Variants in RAB27B observed in about 807,000 individuals in gnomAD.
RAB27B encodes RAB27B, member RAS oncogene family, also known as ras-related protein Rab-27B.
A neutral mutation model predicts 24.6 loss-of-function variants in RAB27B; 15 were observed. The ratio of observed to expected loss-of-function variants is 0.61; its 90% CI spans 0.41 to 0.94. The LOEUF is 0.94. Among genes scored for constraint, RAB27B ranks in the 40% least tolerant of loss-of-function variants. The pLI is 0.00. For synonymous variants in RAB27B, 105 were observed against 92.5 expected, an observed-to-expected ratio of 1.14 and a Z score of -0.78; for missense variants, 261 against 266.8, an observed-to-expected ratio of 0.98 and a Z score of 0.15.
At position 54,888,064 on chromosome 18, in the gene RAB27B, C is replaced by T. The variant is rs77350395; in HGVS notation, c.413C>T (p.Pro138Leu). 339 of 1,613,104 alleles carry T rather than the reference C, an allele frequency of 2.1e-4. 3 individuals are homozygous for T. The African/African-American group carries it at 4.0e-3, about 19-fold the overall frequency. ...TTAATTGGCAACAAGGCAGACCTAC[C>T]AGATCAGAGGGAAGTCAATGAACGG... ...IVLIGNKADL[P>L]DQREVNERQA... Residue 138 changes from proline to leucine, a missense_variant, in exon 5 of 6, where the codon CCA becomes CTA. Coordinates refer to ENST00000262094, the MANE Select transcript of RAB27B (RefSeq NM_004163.4).
intron 3 of RAB27B, among the ~76,000 whole-genome samples, chr18:54,882,473 A>G (rs1011471857): frequency 1.3e-5 from 2 of 152,198 alleles, no homozygotes; most frequent in Admixed American, 1.3e-4. Context: ...CTAACAGGAA[A>G]ACAAAGACAT....
At chr18:54,737,960 G>T (rs548085251) in intron 2 of RAB27B, among the ~76,000 whole-genome samples, 119 of 152,206 alleles carry the variant, frequency 7.8e-4, no homozygotes, top group South Asian at 5.8e-3. Context: ...AGTTGAACAA[G>T]AAAAATGTGT....
chr18:54,867,453 T>C (rs1007203829), intron 1 of RAB27B, among the ~76,000 whole-genome samples: 2 of 146,898 alleles, frequency 1.4e-5, no homozygotes, highest in African/African-American at 5.0e-5. Flanking sequence ...TTTTTTTTTT[T>C]TTTTTTTTTC....
chr18:54,783,481 T>TGTGTGTGTGTGTGTGTGTG (rs1908980504), intron 2 of RAB27B, among the ~76,000 whole-genome samples: 4 of 149,672 alleles, frequency 2.7e-5, no homozygotes, highest in African/African-American at 9.8e-5. Context: ...GCCTATGGCT[T>TGTGTGTGTGTGTGTGTGTG]TGTGTGTGTG....
chr18:54,797,691 G>A (rs1333333943), intron 2 of RAB27B, among the ~76,000 whole-genome samples: 1 of 152,134 alleles, frequency 6.6e-6, no homozygotes, highest in East Asian at 1.9e-4. Flanking sequence ...AAGGATTGCA[G>A]AGTGACTTAT....
chr18:54,755,174 G>A (rs1281829273), intron 2 of RAB27B, among the ~76,000 whole-genome samples: 1 of 152,126 alleles, frequency 6.6e-6, no homozygotes, highest in Non-Finnish European at 1.5e-5. Context: ...CGGATCACCC[G>A]AGGTCAGGAG....
chr18:54,874,812 A>C (rs569906574), intron 1 of RAB27B, among the ~76,000 whole-genome samples: 1 of 152,308 alleles, frequency 6.6e-6, no homozygotes, highest in Admixed American at 6.5e-5. Context: ...ATCCAATTCT[A>C]CTAGTGAAAT....
chr18:54,848,362 T>G (rs1458388399), intron 1 of RAB27B, among the ~76,000 whole-genome samples: 1 of 152,210 alleles, frequency 6.6e-6, no homozygotes, highest in Non-Finnish European at 1.5e-5. Context: ...ATGTTAGGTC[T>G]TGGTCCTTTA....
rs1912832666 is a variant in RAB27B, at chr18:54,879,408, G to A, written c.193G>A (p.Ala65Thr). Residue 65 changes from alanine to threonine, a missense_variant, in exon 3 of 6, where the codon GCA becomes ACA. Coordinates refer to ENST00000262094, the MANE Select transcript of RAB27B (RefSeq NM_004163.4). ...AQGPNGSSGKAFKVHLQLWDT... is the reference protein window; with the variant it reads ...AQGPNGSSGKTFKVHLQLWDT... Reference sequence around the variant, plus strand: ...AGGACCGAATGGATCTTCAGGGAAAGCATTTAAAGTGCATCTTCAGCTTTG... The same window carrying A: ...AGGACCGAATGGATCTTCAGGGAAAACATTTAAAGTGCATCTTCAGCTTTG... 3 of 1,613,112 alleles carry A rather than the reference G, an allele frequency of 1.9e-6. No homozygotes were observed. The highest frequency in any genetic ancestry group is 2.5e-6 in the Non-Finnish European group (3 of 1,179,174).
At chr18:54,796,572 C>G (rs1311712513) in intron 2 of RAB27B, among the ~76,000 whole-genome samples, 3 of 152,128 alleles carry the variant, frequency 2.0e-5, no homozygotes, top group Non-Finnish European at 4.4e-5. Context: ...CAGACTCCCC[C>G]CTCTCTCTTA....
At chr18:54,841,154 C>CGGGGGG (rs147175917) in intron 1 of RAB27B, among the ~76,000 whole-genome samples, 1 of 8,632 alleles carries the variant, frequency 1.2e-4, no homozygotes, top group African/African-American at 2.1e-4. Flanking sequence ...CTTTGGGTGG[C>CGGGGGG]GGGGCGGTGG....
At chr18:54,887,641 A>G (rs923923314) in intron 4 of RAB27B, among the ~76,000 whole-genome samples, 1 of 152,040 alleles carries the variant, frequency 6.6e-6, no homozygotes, top group African/African-American at 2.4e-5. Context: ...ATTAGAAGAA[A>G]TCTCCTTAAG....
At position 54,823,209 on chromosome 18, in the gene RAB27B, C is replaced by A. The variant is rs970271167; in HGVS notation, c.-19-54358C>A. On this transcript the variant is annotated intron_variant, in intron 2 of 4. Coordinates refer to the RAB27B transcript ENST00000586570. Reference sequence around the variant, plus strand: ...TCGTTGTGAAGAAAACTAGCATGGCCTGGAAGTCCAGTCTTATGACTTGTT... The same window carrying A: ...TCGTTGTGAAGAAAACTAGCATGGCATGGAAGTCCAGTCTTATGACTTGTT... Among the ~76,000 whole-genome samples, 16 of 152,198 alleles carry A rather than the reference C, an allele frequency of 1.1e-4. 1 individual carries two copies. The highest frequency in any genetic ancestry group is 9.8e-4 in the Admixed American group (15 of 15,284).
chr18:54,757,744 C>T (rs945760653), intron 2 of RAB27B, among the ~76,000 whole-genome samples: 1 of 152,034 alleles, frequency 6.6e-6, no homozygotes, highest in Admixed American at 6.6e-5. Flanking sequence ...CATTCTAGTA[C>T]AGGACAATAA....
chr18:54,873,685 CTGTGTGTGTGTGTGTGTG>C (rs56409312), intron 1 of RAB27B, among the ~76,000 whole-genome samples: 9 of 140,846 alleles, frequency 6.4e-5, no homozygotes, highest in African/African-American at 1.9e-4. Flanking sequence ...GAGCCAAATC[CTGTGTGTGTGTGTGTGTG>C]TGTGTGTGTG....
intron 2 of RAB27B, among the ~76,000 whole-genome samples, chr18:54,726,243 G>A (rs1484020360): frequency 6.6e-6 from 1 of 151,414 alleles, no homozygotes; most frequent in Admixed American, 6.6e-5. Context: ...AAATCTGAGG[G>A]TTGCAAAGTA....
intron 2 of RAB27B, among the ~76,000 whole-genome samples, chr18:54,783,621 C>T (rs925066959): frequency 6.6e-6 from 1 of 151,904 alleles, no homozygotes; most frequent in Admixed American, 6.6e-5. Context: ...TTAAGGTAAG[C>T]GAAAAGGCAA....
chr18:54,877,542 T>C, intron 1 of RAB27B, 25 bp from the exon 2 acceptor site: 1 of 1,337,168 alleles, frequency 7.5e-7, no homozygotes, highest in Non-Finnish European at 9.8e-7. Flanking sequence ...AATCAAAACA[T>C]ACTTGTTTTC....
chr18:54,840,030 T>G (rs1013734372), intron 1 of RAB27B, among the ~76,000 whole-genome samples: 27 of 152,334 alleles, frequency 1.8e-4, no homozygotes, highest in African/African-American at 6.3e-4. Flanking sequence ...ATTCTCCTAC[T>G]TAATTGGAAA....
Sources: allele counts gnomAD v4.1 joint callset (sites outside exome capture counted in the v4.1 genomes callset), GRCh38; gene constraint gnomAD v4.1.1; transcripts MANE v1.5; gene names NCBI Gene and HGNC (gene_info 2026-07-23, HGNC 2026-07-21).